The following DENND2B variants were observed in gnomAD, a reference collection of about 807,000 sequenced individuals.
DENND2B encodes the protein DENN domain containing 2B, also known as DENN domain-containing protein 2B.
DENND2B carries 32 observed loss-of-function variants against 116.0 expected under a neutral mutation model. That is an observed-to-expected ratio of 0.28 (90% confidence interval 0.21 to 0.37). The LOEUF (loss-of-function observed/expected upper bound fraction) is 0.37. Ranked by LOEUF, DENND2B falls within the 10% of genes least tolerant of loss-of-function variation. The pLI is 1.00. For synonymous variants in DENND2B, 588 were observed against 583.9 expected (o/e 1.01, Z -0.10); for missense variants, 1,276 against 1,477.7 (o/e 0.86, Z 2.24).
chr11:8,888,411 A>C (rs879352183), intron 1 of DENND2B, among the ~76,000 whole-genome samples: 12 of 152,224 alleles, frequency 7.9e-5, no homozygotes, highest in Non-Finnish European at 1.5e-4. Flanking sequence ...CCTAACGCCT[A>C]TACAAAAATT....
At position 8,907,258 on chromosome 11, in the gene DENND2B, GACC is replaced by G. The variant is rs79446279; in HGVS notation, c.-256+3560_-256+3562del. On this transcript the variant is annotated intron_variant, in intron 1 of 22. Coordinates refer to the DENND2B transcript ENST00000534127. ...AATACTGACAGTCTATTTCCCTGTTGACCAGGCACATTCCTAATTAGTTGCCCT... is the reference window on the plus strand; with the variant it reads ...AATACTGACAGTCTATTTCCCTGTTGAGGCACATTCCTAATTAGTTGCCCT... Among the ~76,000 whole-genome samples, 1,085 of 152,178 alleles carry G rather than the reference GACC, an allele frequency of 7.1e-3. 14 individuals carry two copies. Among genetic ancestry groups the G allele is most frequent in the Non-Finnish European group, 0.01 (681 of 68,010 alleles).
In DENND2B at chr11:8,710,541, G is replaced by A. The variant is rs116726855; in HGVS notation, c.2352+304C>T. On this transcript the variant is annotated intron_variant, in intron 11 of 19. Transcript: ENST00000313726. ...AGCCCATGATCCCAAGGGAAATGAC[G>A]AAAAAGTAGAGAAAAACTAAAAAGA... Among the ~76,000 whole-genome samples, 638 of 151,920 alleles carry A rather than the reference G, an allele frequency of 4.2e-3. 5 individuals carry two copies. Among genetic ancestry groups the A allele is most frequent in the African/African-American group, 0.013 (543 of 41,408 alleles).
intron 4 of DENND2B, among the ~76,000 whole-genome samples, chr11:8,825,388 A>G (rs1318296329): frequency 6.6e-6 from 1 of 151,264 alleles, no homozygotes; most frequent in Non-Finnish European, 1.5e-5. Context: ...TTTTCTTGTA[A>G]ATTTGTTTAA....
At position 8,730,090 on chromosome 11, in the gene DENND2B, C is replaced by A; in HGVS notation, c.1200G>T (p.Lys400Asn). ...CATTACTGGGCTTACTCTTGGGGTT[C>A]TTGTCAGCCTCGTATTCAAAGGTGC... ...PKRTFEYEADKNPKSKPSNGL... is the reference protein window; with the variant it reads ...PKRTFEYEADNNPKSKPSNGL... The change falls in exon 3 of 20, where the codon AAG becomes AAT. Residue 400 changes from lysine (K) to asparagine (N), a missense_variant. By Grantham distance (94) the Lys-to-Asn change is moderately conservative. This residue lies in a region of DENND2B where 856 missense variants were observed against 846.6 expected (regional missense o/e 1.01). Coordinates refer to ENST00000313726, the MANE Select transcript of DENND2B (RefSeq NM_213618.2). The surrounding 1 kb of genome is among the most constrained non-coding windows in gnomAD (Gnocchi z 4.1). 6.2e-7 allele frequency: 1 copy of A among 1,614,142 alleles called. No individual in the cohort carries two copies. Among genetic ancestry groups the A allele is most frequent in the South Asian group, 1.1e-5 (1 of 91,082 alleles).
intron 1 of DENND2B, among the ~76,000 whole-genome samples, chr11:8,894,219 C>T (rs961321974): frequency 1.3e-5 from 2 of 152,120 alleles, no homozygotes; most frequent in African/African-American, 4.8e-5. Flanking sequence ...AACTGGATCC[C>T]TTCCTTACAC....
At chr11:8,766,642 T>C (rs534565323) in intron 1 of DENND2B, 36 of 1,289,284 alleles carry the variant, frequency 2.8e-5, no homozygotes, top group Non-Finnish European at 3.1e-5. Context: ...AATACCTTCT[T>C]TGTTCCCACG....
chr11:8,815,110 T>A (rs755091655), upstream of DENND2B, among the ~76,000 whole-genome samples: 21 of 152,032 alleles, frequency 1.4e-4, no homozygotes, highest in Non-Finnish European at 2.6e-4. Context: ...CAGACCACTG[T>A]GTAGGAATGG....
At chr11:8,791,624 G>A (rs1310048053) in intron 1 of DENND2B, among the ~76,000 whole-genome samples, 2 of 151,894 alleles carry the variant, frequency 1.3e-5, no homozygotes, top group African/African-American at 4.8e-5. Flanking sequence ...AAAATTAGCC[G>A]GGTATGGTGG....
intron 1 of DENND2B, among the ~76,000 whole-genome samples, chr11:8,907,484 CA>C (rs1376513910): frequency 7.9e-5 from 12 of 151,932 alleles, no homozygotes; most frequent in Admixed American, 6.6e-5. Context: ...TAAATATGCA[CA>C]TATAAAAATA....
At chr11:8,772,653 A>T (rs1456730178) in intron 1 of DENND2B, among the ~76,000 whole-genome samples, 1 of 152,134 alleles carries the variant, frequency 6.6e-6, no homozygotes, top group African/African-American at 2.4e-5. Flanking sequence ...GAAAGAAATT[A>T]GATATGGGAT....
At position 8,707,598 on chromosome 11, in the gene DENND2B, G is replaced by T. The variant is rs2042830897; in HGVS notation, c.2430+179C>A. Among the ~76,000 whole-genome samples the T allele has an allele frequency of 6.6e-6, 1 of 152,222 alleles. No homozygotes were observed. Among genetic ancestry groups the T allele is most frequent in the Admixed American group, 6.5e-5 (1 of 15,286 alleles). ...GAGCTGGGGAAATGCCAGCCAGCTGGGTAGAGAACCAGGCCGGGGAATGGG... is the reference window on the plus strand; with the variant it reads ...GAGCTGGGGAAATGCCAGCCAGCTGTGTAGAGAACCAGGCCGGGGAATGGG... On this transcript the variant is annotated intron_variant, in intron 12 of 19. Coordinates refer to ENST00000313726, the MANE Select transcript of DENND2B (RefSeq NM_213618.2). The surrounding 1 kb of genome is among the most constrained non-coding windows in gnomAD (Gnocchi z 4.8).
chr11:8,804,511 C>T (rs1193106139), intron 1 of DENND2B, among the ~76,000 whole-genome samples: 6 of 147,248 alleles, frequency 4.1e-5, no homozygotes, highest in Non-Finnish European at 7.5e-5. Context: ...GGGGTCTTGA[C>T]AGAAAGATGA....
intron 2 of DENND2B, among the ~76,000 whole-genome samples, chr11:8,741,313 C>T (rs977717102): frequency 6.6e-5 from 10 of 152,168 alleles, no homozygotes; most frequent in African/African-American, 1.9e-4. Flanking sequence ...CCAAGTGGAC[C>T]GCTGAGCTCT....
At position 8,699,410 on chromosome 11, in the gene DENND2B, A is replaced by AC. The variant is rs2041079075; in HGVS notation, c.2721-21dup. 6.3e-7 allele frequency: 1 copy of AC among 1,579,198 alleles called. No homozygotes were observed. Among genetic ancestry groups the AC allele is most frequent in the African/African-American group, 1.4e-5 (1 of 72,764 alleles). On this transcript the variant is annotated intron_variant, in intron 14 of 19. Transcript: ENST00000313726. Reference sequence around the variant, plus strand: ...AGGGTACTGATGGGCAGACAGAGAGACAGAGTACCTGAGCCCAGGCCCAGG... The same window carrying AC: ...AGGGTACTGATGGGCAGACAGAGAGACCAGAGTACCTGAGCCCAGGCCCAGG...
At position 8,712,028 on chromosome 11, in the gene DENND2B, A is replaced by C. The variant is rs1445143687; in HGVS notation, c.2172+523T>G. ...AGCAGCCACGTGAAGAGCTGGAGAA[A>C]GCACATTCCTGGCAGAGGCAATGGC... On this transcript the variant is annotated intron_variant, in intron 9 of 19. Transcript: ENST00000313726. The surrounding 1 kb of genome is among the most constrained non-coding windows in gnomAD (Gnocchi z 4.4). 4.4e-6 allele frequency: 2 copies of C among 455,550 alleles called. No individual in the cohort carries two copies. The highest frequency in any genetic ancestry group is 8.8e-6 in the Non-Finnish European group (2 of 226,902). 28.2% of individuals were successfully genotyped at this position (455,550 alleles called of 1,614,324 possible).
At chr11:8,709,571 T>C (rs1237958215) in intron 11 of DENND2B, among the ~76,000 whole-genome samples, 1 of 152,108 alleles carries the variant, frequency 6.6e-6, no homozygotes, top group Non-Finnish European at 1.5e-5. Context: ...ATCACTCCTG[T>C]GCATACGCCC....
intron 1 of DENND2B, chr11:8,910,730 GT>G (rs1353032063): frequency 5.9e-5 from 9 of 153,730 alleles, no homozygotes; most frequent in East Asian, 1.9e-4. Context: ...GTGTGTGTGT[GT>G]GTGTGTCTAC....
chr11:8,774,697 A>G (rs1424336491), intron 1 of DENND2B, among the ~76,000 whole-genome samples: 1 of 151,904 alleles, frequency 6.6e-6, no homozygotes, highest in Non-Finnish European at 1.5e-5. Flanking sequence ...ACCAAGACAT[A>G]TGTCTCAAGG....
intron 2 of DENND2B, among the ~76,000 whole-genome samples, chr11:8,738,459 G>A (rs1389355969): frequency 1.3e-5 from 2 of 152,120 alleles, no homozygotes; most frequent in African/African-American, 4.8e-5. Context: ...TCATTCCAGA[G>A]GGGGGAGAAA....
Sources: gnomAD v4.1 joint callset for allele counts (sites outside exome capture counted in the v4.1 genomes callset) on GRCh38, gnomAD v4.1.1 for gene constraint, gnomAD v4.1.1 regional missense constraint, Gnocchi (gnomAD v3.1) non-coding constraint, MANE v1.5 for transcripts, NCBI Gene and HGNC (gene_info 2026-07-23, HGNC 2026-07-21) for gene names.